Variants in TMPRSS15 observed in about 807,000 individuals in gnomAD.
TMPRSS15 encodes transmembrane serine protease 15, also known as enteropeptidase.
Under a neutral mutation model 125.3 loss-of-function variants are expected in TMPRSS15, and 128 were observed. That is an observed-to-expected ratio of 1.02 (90% CI 0.89 to 1.18). TMPRSS15 has a LOEUF of 1.18. TMPRSS15 is among the 50% of genes most tolerant of loss of function. The pLI is 0.00. For missense variants in TMPRSS15, 1,283 were observed against 1,212.7 expected, an observed-to-expected ratio of 1.06 and a Z score of -0.86; for synonymous variants, 446 against 423.2, an observed-to-expected ratio of 1.05 and a Z score of -0.66.
intron 10 of TMPRSS15, among the ~76,000 whole-genome samples, chr21:18,344,741 G>A (rs984921796): frequency 2.6e-5 from 4 of 152,164 alleles, no homozygotes; most frequent in African/African-American, 9.7e-5. Flanking sequence ...GTGAAGGGTT[G>A]TTGGGATAAC....
At chr21:18,460,715 T>C (rs1179913502) in intron 1 of TMPRSS15, 1 of 152,196 alleles carries the variant, frequency 6.6e-6, no homozygotes, top group Non-Finnish European at 1.5e-5. Context: ...TCTATTGTTC[T>C]ATTCAGTCAC....
At chr21:18,280,881 T>C (rs1446589123) in intron 22 of TMPRSS15, among the ~76,000 whole-genome samples, 159 bp downstream of exon 22, 1 of 152,194 alleles carries the variant, frequency 6.6e-6, no homozygotes, top group Non-Finnish European at 1.5e-5. Flanking sequence ...AAATTTAATA[T>C]ATTTCTCTCT....
intron 16 of TMPRSS15, among the ~76,000 whole-genome samples, chr21:18,325,438 T>C (rs1218488940): frequency 6.6e-6 from 1 of 152,114 alleles, no homozygotes; most frequent in African/African-American, 2.4e-5. Context: ...GGCAGCTTTC[T>C]GGGATGGTGT....
At chr21:18,485,585 G>C (rs1475527970) in intron 1 of TMPRSS15, among the ~76,000 whole-genome samples, 1 of 151,774 alleles carries the variant, frequency 6.6e-6, no homozygotes, top group Admixed American at 6.6e-5. Flanking sequence ...TTCAGCATCT[G>C]TCAAAATAAT....
At chr21:18,315,535 A>G (rs1405684543) in intron 16 of TMPRSS15, among the ~76,000 whole-genome samples, 63 of 5,004 alleles carry the variant, frequency 0.013, 3 homozygotes, top group African/African-American at 0.029. Flanking sequence ...CCTTTGCCAC[A>G]GCTCAAGGTG....
intron 1 of TMPRSS15, among the ~76,000 whole-genome samples, chr21:18,445,624 G>A (rs892593269): frequency 2.0e-5 from 3 of 152,068 alleles, no homozygotes; most frequent in Admixed American, 1.3e-4. Context: ...TGATCTAGTG[G>A]GATTCACCTA....
chr21:18,331,464 T>C (rs2075344750), intron 14 of TMPRSS15, among the ~76,000 whole-genome samples: 1 of 152,228 alleles, frequency 6.6e-6, no homozygotes, highest in African/African-American at 2.4e-5. Flanking sequence ...TATGAGTTTA[T>C]CTATTTAGGA....
chr21:18,425,441 T>G (rs1038632068), intron 1 of TMPRSS15, among the ~76,000 whole-genome samples: 1 of 152,096 alleles, frequency 6.6e-6, no homozygotes, highest in Non-Finnish European at 1.5e-5. Context: ...ACCCAGGAGA[T>G]TAGTGAAAAG....
At chr21:18,319,101 A>G (rs146679078) in intron 16 of TMPRSS15, among the ~76,000 whole-genome samples, 259 of 152,334 alleles carry the variant, frequency 1.7e-3, no homozygotes, top group African/African-American at 6.0e-3. Context: ...AAACAATTTT[A>G]TGAATTATGA....
At chr21:18,414,345 G>A (rs867250524) in intron 1 of TMPRSS15, among the ~76,000 whole-genome samples, 23 of 152,194 alleles carry the variant, frequency 1.5e-4, no homozygotes, top group African/African-American at 4.8e-4. Flanking sequence ...TTGTGTGTGT[G>A]TGAGTGTGTG....
chr21:18,411,351 TG>T (rs1258772435), intron 1 of TMPRSS15, among the ~76,000 whole-genome samples: 1 of 152,102 alleles, frequency 6.6e-6, no homozygotes, highest in Non-Finnish European at 1.5e-5. Flanking sequence ...TTTTTTTTTT[TG>T]AGCTTCAGTT....
intron 1 of TMPRSS15, among the ~76,000 whole-genome samples, chr21:18,401,232 T>A (rs1327225530): frequency 6.6e-6 from 1 of 152,170 alleles, no homozygotes; most frequent in East Asian, 1.9e-4. Flanking sequence ...TTACTGGGTA[T>A]ATATCAAAAA....
intron 1 of TMPRSS15, among the ~76,000 whole-genome samples, chr21:18,422,911 C>T (rs1029486952): frequency 5.9e-5 from 9 of 152,162 alleles, no homozygotes; most frequent in African/African-American, 9.7e-5. Context: ...GGTGCCAGGG[C>T]TCCCGAATTA....
chr21:18,472,098 C>T (rs894076434), intron 1 of TMPRSS15, among the ~76,000 whole-genome samples: 5 of 151,656 alleles, frequency 3.3e-5, no homozygotes, highest in Non-Finnish European at 5.9e-5. Context: ...GATCTCATTA[C>T]GTAAATAACA....
intron 24 of TMPRSS15, among the ~76,000 whole-genome samples, chr21:18,274,318 G>C (rs2074595487): frequency 6.6e-6 from 1 of 152,150 alleles, no homozygotes; most frequent in African/African-American, 2.4e-5. Flanking sequence ...AACAAGAGTA[G>C]TCTGAACATA....
chr21:18,401,779 T>G (rs956988146), intron 1 of TMPRSS15, among the ~76,000 whole-genome samples: 1 of 152,230 alleles, frequency 6.6e-6, no homozygotes, highest in Non-Finnish European at 1.5e-5. Context: ...TGATCTCTGA[T>G]GTATTGGTAA....
chr21:18,388,277 T>G (rs1392733625), intron 3 of TMPRSS15, among the ~76,000 whole-genome samples: 2 of 152,186 alleles, frequency 1.3e-5, no homozygotes, highest in East Asian at 3.8e-4. Flanking sequence ...GGTACTGGCC[T>G]CCTAGGTAGC....
chr21:18,353,729 G>T lies in TMPRSS15; in HGVS notation c.1015C>A (p.Leu339Ile). 1 of 1,610,218 alleles carries T rather than the reference G, an allele frequency of 6.2e-7. No individual in the cohort carries two copies. The highest frequency in any genetic ancestry group is 2.2e-5 in the East Asian group (1 of 44,658). The change falls in exon 9 of 25, where the codon CTT (leucine) becomes ATT (isoleucine). Residue 339 changes from leucine to isoleucine, a missense_variant. By Grantham distance (5) the Leu-to-Ile change is conservative. Transcript: ENST00000284885. ...ATYTAFNSSE[L>I]NNYEKINCNF... ...AAAAATAAATAATACTTACTATTAA[G>T]CTCACTGCTGTTAAATGCAGTATAT...
chr21:18,468,666 C>T (rs1290522766), intron 1 of TMPRSS15, among the ~76,000 whole-genome samples: 1 of 152,080 alleles, frequency 6.6e-6, no homozygotes, highest in East Asian at 1.9e-4. Flanking sequence ...GCTTCAAAAA[C>T]ATAATACAAG....
Sources: allele counts gnomAD v4.1 joint callset (sites outside exome capture counted in the v4.1 genomes callset), GRCh38; gene constraint gnomAD v4.1.1; transcripts MANE v1.5; gene names NCBI Gene and HGNC (gene_info 2026-07-23, HGNC 2026-07-21).